The following GNA14 variants were observed in gnomAD, a reference collection of about 807,000 sequenced individuals.
GNA14 encodes the protein guanine nucleotide-binding protein subunit alpha-14.
GNA14 carries 50 observed loss-of-function variants against 42.0 expected under a neutral mutation model. The ratio of observed to expected loss-of-function variants is 1.19; its 90% CI spans 0.95 to 1.51. The LOEUF (loss-of-function observed/expected upper bound fraction) is 1.51, where lower values mean the gene tolerates loss of function less well. GNA14 is among the 40% of genes most tolerant of loss of function. The pLI, the probability that GNA14 is intolerant of heterozygous loss-of-function variation, is 0.00. For missense variants in GNA14, 473 were observed against 446.2 expected, an observed-to-expected ratio of 1.06 and a Z score of -0.54; for synonymous variants, 173 against 163.1, an observed-to-expected ratio of 1.06 and a Z score of -0.46.
intron 1 of GNA14, among the ~76,000 whole-genome samples, chr9:77,608,896 C>T (rs755629630): frequency 7.9e-5 from 12 of 152,220 alleles, no homozygotes; most frequent in Non-Finnish European, 1.5e-4. Context: ...ATCCCATCCC[C>T]ATTCCCGGCT....
At chr9:77,526,379 C>T (rs1837438766) in intron 2 of GNA14, 3 of 152,138 alleles carry the variant, frequency 2.0e-5, no homozygotes, top group Admixed American at 2.0e-4. Context: ...CCCCAAAGCT[C>T]ATGCTGACCC....
rs200505516 is a variant in GNA14 at position 77,488,036 on chromosome 9, G to GA, written c.309+41032dup. 1.5e-3 allele frequency among the ~76,000 whole-genome samples: 229 copies of GA among 150,612 alleles called. 1 individual carries two copies. The highest frequency in any genetic ancestry group is 3.4e-3 in the Middle Eastern group (1 of 290). Reference sequence around the variant, plus strand: ...ATTGATAATGTGGAAGATTCAGGGAGAAAAAAAAACACTTAAAGCAATGTA... The same window carrying GA: ...ATTGATAATGTGGAAGATTCAGGGAGAAAAAAAAAACACTTAAAGCAATGTA... On this transcript the variant is annotated intron_variant, in intron 2 of 6. Coordinates refer to ENST00000341700, the MANE Select transcript of GNA14 (RefSeq NM_004297.4).
chr9:77,574,336 T>C (rs1323671969), intron 1 of GNA14, among the ~76,000 whole-genome samples: 1 of 152,222 alleles, frequency 6.6e-6, no homozygotes, highest in African/African-American at 2.4e-5. Context: ...AGTGGTTTAC[T>C]TCAAAATTAA....
intron 2 of GNA14, among the ~76,000 whole-genome samples, chr9:77,474,108 G>A (rs1836377446): frequency 6.6e-6 from 1 of 152,124 alleles, no homozygotes; most frequent in African/African-American, 2.4e-5. Flanking sequence ...AGTGGATTAT[G>A]AGATATGACA....
chr9:77,570,996 C>G (rs976611338), intron 1 of GNA14, among the ~76,000 whole-genome samples: 3 of 152,040 alleles, frequency 2.0e-5, no homozygotes, highest in Admixed American at 6.6e-5. Flanking sequence ...GCTAGGCATA[C>G]CTTACTTAAT....
At position 77,493,488 on chromosome 9, in the gene GNA14, T is replaced by G. The variant is rs929647896; in HGVS notation, c.309+35581A>C. On this transcript the variant is annotated intron_variant, in intron 2 of 6. Transcript: ENST00000341700. ...AAAATGTTATAACGTTAATAGTGCTTTTACTTTACAGTTTGATTGAAATAA... is the reference window on the plus strand; with the variant it reads ...AAAATGTTATAACGTTAATAGTGCTGTTACTTTACAGTTTGATTGAAATAA... Among the ~76,000 whole-genome samples, 7 of 152,324 alleles carry G rather than the reference T, an allele frequency of 4.6e-5. No individual in the cohort carries two copies. In the East Asian group the frequency reaches 1.2e-3, roughly 25 times the overall value.
At chr9:77,434,790 G>A (rs139993379) in intron 2 of GNA14, among the ~76,000 whole-genome samples, 38 of 152,306 alleles carry the variant, frequency 2.5e-4, no homozygotes, top group African/African-American at 8.4e-4. Context: ...TCCTGGGCCA[G>A]TTTCGCCAGC....
At chr9:77,488,460 A>T (rs1836697928) in intron 2 of GNA14, among the ~76,000 whole-genome samples, 1 of 152,212 alleles carries the variant, frequency 6.6e-6, no homozygotes, top group African/African-American at 2.4e-5. Context: ...CAGGGAGGCA[A>T]GACTTCCATC....
Position 77,557,213 on chromosome 9 carries a change from A to G in GNA14, c.125-27960T>C, listed in dbSNP as rs184660078. Among the ~76,000 whole-genome samples, 5 of 152,322 alleles carry G rather than the reference A, an allele frequency of 3.3e-5. No individual in the cohort carries two copies. In the East Asian group the frequency reaches 9.7e-4, roughly 29 times the overall value. On this transcript the variant is annotated intron_variant, in intron 1 of 6. Coordinates refer to ENST00000341700, the MANE Select transcript of GNA14 (RefSeq NM_004297.4). ...ATGAATTAATGAATAAGTGAATGAG[A>G]AAGAAGGGAGAATGGGAGAAAGAGA...
intron 2 of GNA14, among the ~76,000 whole-genome samples, chr9:77,440,580 G>T (rs1458814237): frequency 1.3e-5 from 2 of 151,886 alleles, no homozygotes; most frequent in East Asian, 1.9e-4. Context: ...TATATTTATG[G>T]CTTACAATTT....
intron 2 of GNA14, among the ~76,000 whole-genome samples, chr9:77,460,301 G>C (rs1334072450): frequency 5.4e-4 from 82 of 152,218 alleles, no homozygotes; most frequent in Non-Finnish European, 1.9e-4. Flanking sequence ...TGGAAGCTGA[G>C]ATTGCAGTGT....
At chr9:77,444,409 G>C (rs1835781104) in intron 2 of GNA14, among the ~76,000 whole-genome samples, 1 of 152,184 alleles carries the variant, frequency 6.6e-6, no homozygotes, top group South Asian at 2.1e-4. Flanking sequence ...GTACAGATCT[G>C]TGGCCAAGGG....
At chr9:77,563,657 G>A (rs1041250516) in intron 1 of GNA14, among the ~76,000 whole-genome samples, 1 of 151,982 alleles carries the variant, frequency 6.6e-6, no homozygotes, top group Non-Finnish European at 1.5e-5. Context: ...GGAGAAACTG[G>A]GCTGCTGTTT....
intron 1 of GNA14, among the ~76,000 whole-genome samples, chr9:77,643,070 T>C (rs892750476): frequency 2.0e-5 from 3 of 152,218 alleles, no homozygotes; most frequent in Admixed American, 2.0e-4. Context: ...ATCTTCCTCA[T>C]AACAGCTATT....
intron 1 of GNA14, among the ~76,000 whole-genome samples, chr9:77,589,672 G>A (rs1285368213): frequency 6.6e-6 from 1 of 152,022 alleles, no homozygotes; most frequent in Non-Finnish European, 1.5e-5. Context: ...GTACACAGTG[G>A]GTAAACCGCA....
intron 2 of GNA14, among the ~76,000 whole-genome samples, chr9:77,525,924 A>G (rs868511438): frequency 6.9e-5 from 9 of 131,354 alleles, no homozygotes; most frequent in Middle Eastern, 9.7e-3. Flanking sequence ...AAAAAAAAAA[A>G]CGGAGTTTCA....
At chr9:77,629,850 C>T (rs1824069011) in intron 1 of GNA14, among the ~76,000 whole-genome samples, 1 of 152,136 alleles carries the variant, frequency 6.6e-6, no homozygotes, top group African/African-American at 2.4e-5. Context: ...GCACGTTCTG[C>T]ACATGTATCC....
intron 2 of GNA14, among the ~76,000 whole-genome samples, chr9:77,482,645 A>G (rs2131729797): frequency 6.6e-6 from 1 of 152,268 alleles, no homozygotes; most frequent in East Asian, 1.9e-4. Flanking sequence ...TATCCTGCAG[A>G]GTGTTTTCCA....
chr9:77,480,994 A>C (rs1328079943), intron 2 of GNA14, among the ~76,000 whole-genome samples: 1 of 152,066 alleles, frequency 6.6e-6, no homozygotes, highest in Non-Finnish European at 1.5e-5. Flanking sequence ...CTTTTCAAAA[A>C]ATCAGCTCCT....
Sources: gnomAD v4.1 joint callset for allele counts (sites outside exome capture counted in the v4.1 genomes callset) on GRCh38, gnomAD v4.1.1 for gene constraint, MANE v1.5 for transcripts, NCBI Gene and HGNC (gene_info 2026-07-23, HGNC 2026-07-21) for gene names.